Variants in ASAP1 observed in about 807,000 individuals in gnomAD.
The protein encoded by ASAP1 is arf-GAP with SH3 domain, ANK repeat and PH domain-containing protein 1.
Under a neutral mutation model 145.2 loss-of-function variants are expected in ASAP1, and 43 were observed. That is an observed-to-expected ratio of 0.30 (90% CI 0.23 to 0.38). The LOEUF is 0.38. Ranked by LOEUF, ASAP1 falls within the 10% of genes least tolerant of loss-of-function variation. ASAP1 has a pLI of 1.00. For missense variants in ASAP1, 1,018 were observed against 1,355.3 expected (o/e 0.75, Z 3.91); for synonymous variants, 546 against 515.5 (o/e 1.06, Z -0.80).
chr8:130,270,156 C>T (rs1003893546), intron 3 of ASAP1, among the ~76,000 whole-genome samples: 19 of 152,114 alleles, frequency 1.2e-4, no homozygotes, highest in Admixed American at 5.2e-4. Context: ...CGTGACAGAG[C>T]GAGAATCTTG....
chr8:130,356,034 T>C (rs1159361827), intron 3 of ASAP1, among the ~76,000 whole-genome samples: 1 of 152,220 alleles, frequency 6.6e-6, no homozygotes, highest in African/African-American at 2.4e-5. Context: ...ACTTGCATTA[T>C]AGTTAACTCT....
chr8:130,061,875 T>C (rs1235336772), intron 27 of ASAP1, among the ~76,000 whole-genome samples: 2 of 152,252 alleles, frequency 1.3e-5, no homozygotes, highest in Non-Finnish European at 2.9e-5. Flanking sequence ...CATAGCTCTT[T>C]GTACAGCTCT....
At chr8:130,357,090 G>A (rs984361858) in intron 3 of ASAP1, among the ~76,000 whole-genome samples, 2 of 152,144 alleles carry the variant, frequency 1.3e-5, no homozygotes, top group South Asian at 2.1e-4. Flanking sequence ...TTTTTATCGT[G>A]GCCCCAGAGG....
At chr8:130,097,126 C>CAAAAAAAAAAAAA (rs61591724) in intron 24 of ASAP1, among the ~76,000 whole-genome samples, 3 of 53,570 alleles carry the variant, frequency 5.6e-5, no homozygotes, top group Non-Finnish European at 9.5e-5. Flanking sequence ...AGTTAGTCTC[C>CAAAAAAAAAAAAA]AAAAAAAAAA....
At chr8:130,235,053 T>G (rs913653451) in intron 4 of ASAP1, among the ~76,000 whole-genome samples, 21 of 152,116 alleles carry the variant, frequency 1.4e-4, no homozygotes, top group South Asian at 6.2e-4. Flanking sequence ...TTAGATATTA[T>G]TTTTTAAATT....
chr8:130,324,608 T>C (rs963674954), intron 3 of ASAP1, among the ~76,000 whole-genome samples: 2 of 152,198 alleles, frequency 1.3e-5, no homozygotes, highest in African/African-American at 4.8e-5. Context: ...TTCAAGGGAA[T>C]TAATTATATC....
intron 2 of ASAP1, among the ~76,000 whole-genome samples, chr8:130,369,897 A>G (rs950965104): frequency 2.6e-5 from 4 of 152,208 alleles, no homozygotes; most frequent in African/African-American, 9.6e-5. Flanking sequence ...TCCCACCCAA[A>G]TTCACATGTT....
rs183894082 is a variant in ASAP1, at chr8:130,249,025, A to C, written c.187-12031T>G. Among the ~76,000 whole-genome samples, 102 of 152,224 alleles carry C rather than the reference A, an allele frequency of 6.7e-4. 1 individual carries two copies. Among genetic ancestry groups the C allele is most frequent in the Non-Finnish European group, 2.5e-4 (17 of 68,002 alleles). On this transcript the variant is annotated intron_variant, in intron 3 of 29. Coordinates refer to ENST00000518721, the MANE Select transcript of ASAP1 (RefSeq NM_018482.4). ...GGGATCCTCCTGCCTCAGCTTCCAG[A>C]GCAGCTGGGACTACAAGTGTGTGCC... is the stretch of plus-strand genomic sequence containing the variant.
At chr8:130,306,921 G>T (rs1823028825) in intron 3 of ASAP1, among the ~76,000 whole-genome samples, 1 of 152,142 alleles carries the variant, frequency 6.6e-6, no homozygotes, top group Non-Finnish European at 1.5e-5. Context: ...CTCCACCCAG[G>T]TCTGAGTGTC....
At chr8:130,231,925 G>A (rs1214639548) in intron 4 of ASAP1, among the ~76,000 whole-genome samples, 1 of 152,166 alleles carries the variant, frequency 6.6e-6, no homozygotes, top group East Asian at 1.9e-4. Flanking sequence ...CTGACCCAGG[G>A]TCTCTCACAA....
At chr8:130,156,342 G>A (rs964067855) in intron 12 of ASAP1, among the ~76,000 whole-genome samples, 1 of 152,176 alleles carries the variant, frequency 6.6e-6, no homozygotes, top group Non-Finnish European at 1.5e-5. Context: ...TTTGCTATCT[G>A]TGCCATTATT....
intron 27 of ASAP1, among the ~76,000 whole-genome samples, chr8:130,061,622 C>T (rs905584351): frequency 2.0e-5 from 3 of 152,228 alleles, no homozygotes; most frequent in Non-Finnish European, 2.9e-5. Flanking sequence ...AGTATATAAG[C>T]GAGGTAGCAA....
intron 3 of ASAP1, among the ~76,000 whole-genome samples, chr8:130,285,669 G>C (rs2137243862): frequency 6.6e-6 from 1 of 152,318 alleles, no homozygotes; most frequent in African/African-American, 2.4e-5. Context: ...AAGCATCCAT[G>C]ATTAGTGTCA....
chr8:130,402,362 T>G (rs957463386), intron 1 of ASAP1, among the ~76,000 whole-genome samples: 15 of 151,990 alleles, frequency 9.9e-5, no homozygotes, highest in Admixed American at 6.5e-5. Flanking sequence ...AGCAAAAGTG[T>G]TCACCCGGCA....
chr8:130,063,367 G>A (rs1564917050), intron 27 of ASAP1, among the ~76,000 whole-genome samples: 1 of 152,094 alleles, frequency 6.6e-6, no homozygotes, highest in Non-Finnish European at 1.5e-5. Flanking sequence ...TAGTAGAGAC[G>A]TGCAGGGCCA....
rs561606429 is a variant in ASAP1, at chr8:130,158,351, A to G, written c.1010+1513T>C. 4.3e-3 allele frequency among the ~76,000 whole-genome samples: 643 copies of G among 150,540 alleles called. 8 individuals carry two copies. Among genetic ancestry groups the G allele is most frequent in the African/African-American group, 0.015 (611 of 41,116 alleles). ...AAAGAGGGACCCTGCTTATATTTAA[A>G]AAAAAAAAAAAAAAGTATCCAGGCA... On this transcript the variant is annotated intron_variant, in intron 12 of 29. Transcript: ENST00000518721.
intron 2 of ASAP1, among the ~76,000 whole-genome samples, chr8:130,371,112 A>G (rs967648941): frequency 6.6e-6 from 1 of 152,242 alleles, no homozygotes; most frequent in African/African-American, 2.4e-5. Flanking sequence ...ACCTGTTAAT[A>G]ACAACTAGAA....
Position 130,072,793 on chromosome 8 carries a change from A to ATGTGTGTGTGTGTGTGTGTGTGTG in ASAP1, c.2701+3531_2701+3554dup, listed in dbSNP as rs1206526066. ...CTGAAGGCCTGGACTTGCAATTGAT[A>ATGTGTGTGTGTGTGTGTGTGTGTG]TGTGTGTGTGTGTGTGTGTGTGTGT... On this transcript the variant is annotated intron_variant, in intron 27 of 29. Coordinates refer to ENST00000518721, the MANE Select transcript of ASAP1 (RefSeq NM_018482.4). 1.9e-4 allele frequency among the ~76,000 whole-genome samples: 19 copies of ATGTGTGTGTGTGTGTGTGTGTGTG among 102,642 alleles called. 1 individual carries two copies. The highest frequency in any genetic ancestry group is 4.0e-4 in the South Asian group (1 of 2,526). The allele number at this position is 102,642 out of a possible 152,430, so 67.3% of individuals were successfully genotyped here.
intron 14 of ASAP1, among the ~76,000 whole-genome samples, chr8:130,135,456 G>A (rs2097592367): frequency 6.6e-6 from 1 of 152,100 alleles, no homozygotes; most frequent in Non-Finnish European, 1.5e-5. Flanking sequence ...CTGCACTGCA[G>A]CCTGGGTGAC....
Sources: gnomAD v4.1 joint callset for allele counts (sites outside exome capture counted in the v4.1 genomes callset) on GRCh38, gnomAD v4.1.1 for gene constraint, MANE v1.5 for transcripts, NCBI Gene and HGNC (gene_info 2026-07-23, HGNC 2026-07-21) for gene names.